GLMN: variants seen among roughly 807,000 people sequenced by gnomAD.
GLMN encodes the protein glomulin, FKBP associated protein.
GLMN carries 75 observed loss-of-function variants against 87.8 expected under a neutral mutation model. The observed-to-expected ratio is 0.85, with a 90% CI of 0.71 to 1.04. GLMN has a LOEUF of 1.04. Ranked by LOEUF, GLMN falls within the 50% of genes least tolerant of loss-of-function variation. The pLI is 0.00. For missense variants in GLMN, 588 were observed against 658.8 expected (o/e 0.89, Z 1.18); for synonymous variants, 206 against 221.6 (o/e 0.93, Z 0.63).
chr1:92,360,667 C>T, the GLMN span, among the ~76,000 whole-genome samples: 1 of 152,094 alleles, frequency 6.6e-6, no homozygotes, highest in Non-Finnish European at 1.5e-5. Flanking sequence ...ACCCACTTTC[C>T]TACATATCTG....
the GLMN span, among the ~76,000 whole-genome samples, chr1:92,304,725 A>G: frequency 6.6e-6 from 1 of 152,232 alleles, no homozygotes; most frequent in Non-Finnish European, 1.5e-5. Flanking sequence ...TTTTCAATAA[A>G]TTATACTGGC....
chr1:92,337,035 C>T, the GLMN span, among the ~76,000 whole-genome samples: 1 of 152,038 alleles, frequency 6.6e-6, no homozygotes, highest in Non-Finnish European at 1.5e-5. Flanking sequence ...AGAAGCATAG[C>T]AATAAGCCTC....
chr1:92,301,355 T>A (rs554413704), upstream of GLMN: 629 of 400,952 alleles, frequency 1.6e-3, 6 homozygotes, highest in Admixed American at 9.8e-3. Flanking sequence ...ATTCAAAAAA[T>A]TTTTTAAATA....
At chr1:92,317,401 AGGAG>A in the GLMN span, among the ~76,000 whole-genome samples, 2 of 151,790 alleles carry the variant, frequency 1.3e-5, no homozygotes, top group Non-Finnish European at 2.9e-5. Context: ...CCAGCTACTC[AGGAG>A]GCTGAGGCAG....
intron 16 of GLMN, among the ~76,000 whole-genome samples, chr1:92,258,063 A>G (rs1654488693): frequency 1.3e-5 from 2 of 152,082 alleles, no homozygotes; most frequent in Admixed American, 1.3e-4. Flanking sequence ...AAACAAATTT[A>G]TAAGAAAAAA....
intron 6 of GLMN, among the ~76,000 whole-genome samples, chr1:92,288,629 A>C (rs1315009784): frequency 6.6e-6 from 1 of 151,968 alleles, no homozygotes; most frequent in Non-Finnish European, 1.5e-5. Context: ...GGGTCTCACT[A>C]TGTTGCCAAG....
intron 16 of GLMN, among the ~76,000 whole-genome samples, chr1:92,255,812 A>ACT (rs1654152442): frequency 6.6e-6 from 1 of 152,230 alleles, no homozygotes; most frequent in Non-Finnish European, 1.5e-5. Flanking sequence ...AGAAAGTGGG[A>ACT]AAGATCTAAA....
chr1:92,357,045 G>A, the GLMN span, among the ~76,000 whole-genome samples: 3 of 150,444 alleles, frequency 2.0e-5, no homozygotes, highest in Non-Finnish European at 3.0e-5. Flanking sequence ...CAGCCTGGGT[G>A]ACAGAGCAAG....
At chr1:92,314,876 C>T in the GLMN span, among the ~76,000 whole-genome samples, 1 of 151,922 alleles carries the variant, frequency 6.6e-6, no homozygotes, top group Non-Finnish European at 1.5e-5. Context: ...AAAACCCCGT[C>T]TCTACTAAAA....
At chr1:92,253,474 G>GA (rs1354962220) in intron 16 of GLMN, among the ~76,000 whole-genome samples, 1 of 152,188 alleles carries the variant, frequency 6.6e-6, no homozygotes, top group African/African-American at 2.4e-5. Context: ...TCCTGATAGG[G>GA]AGACACCTCC....
At chr1:92,266,350 C>A in intron 13 of GLMN, 69 bp downstream of exon 13, 1 of 842,876 alleles carries the variant, frequency 1.2e-6, no homozygotes, top group Non-Finnish European at 2.1e-6. Context: ...TGCCCTAAAA[C>A]AATTACATGG....
At position 92,288,907 on chromosome 1, in the gene GLMN, T is replaced by A. The variant is rs748041698; in HGVS notation, c.632+7A>T. ...CCACTGTGAGATGTTCTTAAAATTATACTTACAATTTCAGTAATTCATCCT... is the reference window on the plus strand; with the variant it reads ...CCACTGTGAGATGTTCTTAAAATTAAACTTACAATTTCAGTAATTCATCCT... On this transcript the variant is annotated splice_region_variant and intron_variant, in intron 6 of 18. Coordinates refer to ENST00000370360, the MANE Select transcript of GLMN (RefSeq NM_053274.3). The A allele has an allele frequency of 7.6e-7, 1 of 1,323,560 alleles. No individual in the cohort carries two copies. Among genetic ancestry groups the A allele is most frequent in the Non-Finnish European group, 1.1e-6 (1 of 915,392 alleles). 82.0% of individuals were successfully genotyped at this position (1,323,560 alleles called of 1,614,324 possible). A position where few individuals can be genotyped will look rare whatever the true frequency, so the allele number is the denominator to read the frequency against.
At chr1:92,254,352 A>G (rs771768471) in intron 16 of GLMN, among the ~76,000 whole-genome samples, 2 of 152,220 alleles carry the variant, frequency 1.3e-5, no homozygotes, top group African/African-American at 4.8e-5. Flanking sequence ...ACTTCAGGGT[A>G]TTATCCAGGA....
chr1:92,252,127 T>TA (rs2100794961), intron 16 of GLMN, among the ~76,000 whole-genome samples: 1 of 152,360 alleles, frequency 6.6e-6, no homozygotes, highest in East Asian at 1.9e-4. Context: ...TAAGCTTCAC[T>TA]AATTCTCTTC....
chr1:92,348,171 G>A, the GLMN span, among the ~76,000 whole-genome samples: 1 of 152,178 alleles, frequency 6.6e-6, no homozygotes, highest in Non-Finnish European at 1.5e-5. Flanking sequence ...TTACAGGCAT[G>A]AGCCACTGCA....
Position 92,266,461 on chromosome 1 carries a change from T to C in GLMN, c.1172A>G (p.Tyr391Cys). 1 of 1,576,306 alleles carries C rather than the reference T, an allele frequency of 6.3e-7. No individual in the cohort carries two copies. Reference protein sequence around the residue: ...RKKSLAMLQLYINKLDSQGKY... With the variant: ...RKKSLAMLQLCINKLDSQGKY... ...GCCTTGTGAATCCAACTTGTTAATATACAGCTGAAGCATAGCTAAACTCTT... is the reference window on the plus strand; with the variant it reads ...GCCTTGTGAATCCAACTTGTTAATACACAGCTGAAGCATAGCTAAACTCTT... The change falls in exon 13 of 19, where the codon TAT becomes TGT. Residue 391 changes from tyrosine (Y) to cysteine (C), a missense_variant. Coordinates refer to ENST00000370360, the MANE Select transcript of GLMN (RefSeq NM_053274.3).
intron 1 of GLMN, 132 bp downstream of exon 1, chr1:92,298,793 G>A (rs1650500109): frequency 2.9e-6 from 1 of 343,236 alleles, no homozygotes; most frequent in Non-Finnish European, 5.2e-6. Flanking sequence ...CATGTCTTCC[G>A]ATTCCTGCTC....
intron 8 of GLMN, 54 bp from the exon 9 acceptor site, chr1:92,269,830 A>ATGTGTGTACATATCT: frequency 9.0e-7 from 1 of 1,114,284 alleles, no homozygotes; most frequent in Non-Finnish European, 1.4e-6. Flanking sequence ...AGAGATATGT[A>ATGTGTGTACATATCT]CACACATACA....
At chr1:92,301,510 A>T (rs140941947), upstream of GLMN, 1 of 1,595,304 alleles carries the variant, frequency 6.3e-7, no homozygotes, top group African/African-American at 1.4e-5. Flanking sequence ...GAGAAAGAAG[A>T]TTGAATTTGA....
Sources: allele counts gnomAD v4.1 joint callset (sites outside exome capture counted in the v4.1 genomes callset), GRCh38; gene constraint gnomAD v4.1.1; transcripts MANE v1.5; gene names NCBI Gene and HGNC (gene_info 2026-07-23, HGNC 2026-07-21).